MPPED2: variants seen among roughly 807,000 people sequenced by gnomAD.
MPPED2 encodes the protein metallophosphoesterase domain containing 2.
A neutral mutation model predicts 33.0 loss-of-function variants in MPPED2; 5 were observed. The ratio of observed to expected loss-of-function variants is 0.15; its 90% CI spans 0.08 to 0.32. The LOEUF (loss-of-function observed/expected upper bound fraction) is 0.32, where lower values mean the gene tolerates loss of function less well. Ranked by LOEUF, MPPED2 falls within the 10% of genes least tolerant of loss-of-function variation. The probability of loss-of-function intolerance (pLI) is 1.00; values close to 1 mark genes in which losing one functional copy is unlikely to be tolerated. For synonymous variants in MPPED2, 136 were observed against 141.9 expected, an observed-to-expected ratio of 0.96 and a Z score of 0.29; for missense variants, 275 against 372.1, an observed-to-expected ratio of 0.74 and a Z score of 2.15.
intron 2 of MPPED2, among the ~76,000 whole-genome samples, chr11:30,565,661 T>C (rs1448016653): frequency 6.6e-6 from 1 of 152,190 alleles, no homozygotes; most frequent in Non-Finnish European, 1.5e-5. Flanking sequence ...AAGTCAGTCA[T>C]CTAAATTAAA....
intron 1 of MPPED2, among the ~76,000 whole-genome samples, chr11:30,582,665 A>G (rs576469429): frequency 1.3e-4 from 20 of 152,340 alleles, no homozygotes; most frequent in African/African-American, 4.3e-4. Context: ...TACCCACCCA[A>G]GTTCTACTAT....
chr11:30,545,569 C>T (rs10835686), intron 2 of MPPED2, among the ~76,000 whole-genome samples: 34,761 of 151,916 alleles, frequency 0.23, 4,291 homozygotes, highest in East Asian at 0.41. Context: ...TGAGAAATGG[C>T]AGCAGTTTTC....
At chr11:30,542,929 G>A (rs967685539) in intron 2 of MPPED2, among the ~76,000 whole-genome samples, 1 of 152,104 alleles carries the variant, frequency 6.6e-6, no homozygotes, top group African/African-American at 2.4e-5. Context: ...TGGCAAATCA[G>A]TCACCTAACT....
intron 2 of MPPED2, among the ~76,000 whole-genome samples, chr11:30,567,203 A>T: frequency 6.6e-6 from 1 of 152,186 alleles, no homozygotes; most frequent in Admixed American, 6.5e-5. Flanking sequence ...ACTCTTGCCA[A>T]AAGTCTGGCT....
intron 2 of MPPED2, among the ~76,000 whole-genome samples, chr11:30,537,245 A>G (rs1954858464): frequency 6.6e-6 from 1 of 152,230 alleles, no homozygotes; most frequent in Non-Finnish European, 1.5e-5. Flanking sequence ...CTCTGTAGGA[A>G]TGTACACTTA....
At chr11:30,400,997 GAGCTCAAGTGATCTTCCTGCCTC>G (rs1281537927) in intron 6 of MPPED2, among the ~76,000 whole-genome samples, 1 of 152,112 alleles carries the variant, frequency 6.6e-6, no homozygotes, top group African/African-American at 2.4e-5. Context: ...TAGAATTCCT[GAGCTCAAGTGATCTTCCTGCCTC>G]AGCTTCCCAC....
intron 4 of MPPED2, among the ~76,000 whole-genome samples, chr11:30,448,923 G>A (rs942969609): frequency 1.3e-5 from 2 of 150,356 alleles, no homozygotes; most frequent in Admixed American, 6.6e-5. Flanking sequence ...CAAAGTGCTG[G>A]GATTACAGGC....
chr11:30,461,007 G>GTGATA (rs1375842764), intron 4 of MPPED2, among the ~76,000 whole-genome samples: 1 of 152,214 alleles, frequency 6.6e-6, no homozygotes, highest in African/African-American at 2.4e-5. Flanking sequence ...TAAACAAAAT[G>GTGATA]TGATATATAA....
chr11:30,415,186 A>G (rs1327053668), intron 5 of MPPED2, among the ~76,000 whole-genome samples: 1 of 152,222 alleles, frequency 6.6e-6, no homozygotes, highest in Non-Finnish European at 1.5e-5. Flanking sequence ...AGTAAGGAAC[A>G]GCTTTCTGCT....
chr11:30,404,808 G>A (rs182814384), intron 6 of MPPED2, among the ~76,000 whole-genome samples: 29 of 152,280 alleles, frequency 1.9e-4, no homozygotes, highest in Admixed American at 3.3e-4. Flanking sequence ...CTGGCTTATG[G>A]TGTTCAGTAA....
chr11:30,396,248 C>A (rs1197021953), intron 6 of MPPED2, among the ~76,000 whole-genome samples: 1 of 152,106 alleles, frequency 6.6e-6, no homozygotes. Context: ...AGCAACTTGA[C>A]CCCTCAGAAG....
chr11:30,425,596 G>T (rs902364822), intron 4 of MPPED2: 1 of 152,176 alleles, frequency 6.6e-6, no homozygotes, highest in African/African-American at 2.4e-5. Flanking sequence ...ATCATGGCAG[G>T]ACTTCTGTCT....
chr11:30,432,589 C>T (rs1171106324), intron 4 of MPPED2, among the ~76,000 whole-genome samples: 1 of 152,148 alleles, frequency 6.6e-6, no homozygotes, highest in East Asian at 1.9e-4. Context: ...ACAAGGCATG[C>T]CTGTGCAAAG....
intron 3 of MPPED2, chr11:30,501,605 A>G (rs1590604095): frequency 5.1e-6 from 5 of 977,378 alleles, no homozygotes; most frequent in Non-Finnish European, 6.1e-6. Flanking sequence ...AATGATTAGT[A>G]TAACCTGTAA....
At chr11:30,431,984 G>A (rs900663729) in intron 4 of MPPED2, among the ~76,000 whole-genome samples, 1 of 151,980 alleles carries the variant, frequency 6.6e-6, no homozygotes, top group Non-Finnish European at 1.5e-5. Context: ...AGACCAGTCC[G>A]GCCAGTATGG....
chr11:30,572,805 G>A (rs1956763596), intron 2 of MPPED2, among the ~76,000 whole-genome samples: 1 of 152,088 alleles, frequency 6.6e-6, no homozygotes, highest in South Asian at 2.1e-4. Flanking sequence ...TCCCAATGAT[G>A]TCTCTATTAT....
intron 3 of MPPED2, among the ~76,000 whole-genome samples, chr11:30,521,992 A>T (rs1953900919): frequency 1.3e-5 from 2 of 152,222 alleles, no homozygotes; most frequent in Admixed American, 1.3e-4. Context: ...GTCACTTAAT[A>T]TACAGCAATT....
intron 1 of MPPED2, 84 bp from the exon 2 acceptor site, chr11:30,580,578 G>A (rs567274773): frequency 3.1e-6 from 4 of 1,307,582 alleles, no homozygotes; most frequent in Admixed American, 3.1e-5. Context: ...ATCTAGACAT[G>A]AAACTAGTTC....
At chr11:30,559,119 A>G (rs2134699046) in intron 2 of MPPED2, among the ~76,000 whole-genome samples, 2 of 152,342 alleles carry the variant, frequency 1.3e-5, no homozygotes, top group East Asian at 3.9e-4. Flanking sequence ...AAGAGCTTCC[A>G]GGAAATCTTA....
Sources: gnomAD v4.1 joint callset for allele counts (sites outside exome capture counted in the v4.1 genomes callset) on GRCh38, gnomAD v4.1.1 for gene constraint, MANE v1.5 for transcripts, NCBI Gene and HGNC (gene_info 2026-07-23, HGNC 2026-07-21) for gene names.